The following LATS2 variants were observed in gnomAD, a reference collection of about 807,000 sequenced individuals.
LATS2 encodes the protein serine/threonine-protein kinase LATS2.
In LATS2, 24 loss-of-function variants were observed where a neutral mutation model predicts 76.0. The observed-to-expected ratio is 0.32, with a 90% CI of 0.23 to 0.44. LATS2 has a LOEUF of 0.44. LATS2 is among the 20% of genes least tolerant of loss of function. The pLI, the probability that LATS2 is intolerant of heterozygous loss-of-function variation, is 1.00. For missense variants in LATS2, 1,286 were observed against 1,481.2 expected, an observed-to-expected ratio of 0.87 and a Z score of 2.16; for synonymous variants, 692 against 635.4, an observed-to-expected ratio of 1.09 and a Z score of -1.34.
chr13:21,022,402 C>CTCAA (rs1455895356), intron 2 of LATS2, among the ~76,000 whole-genome samples: 1 of 152,124 alleles, frequency 6.6e-6, no homozygotes, highest in African/African-American at 2.4e-5. Flanking sequence ...CCTCAAGTTC[C>CTCAA]TCAAACACAA....
At chr13:21,032,839 C>T (rs149266675) in intron 2 of LATS2, among the ~76,000 whole-genome samples, 6 of 152,260 alleles carry the variant, frequency 3.9e-5, no homozygotes, top group East Asian at 1.9e-4. Flanking sequence ...GGGTGGACCA[C>T]GGCTGGCTGG....
chr13:21,006,363 C>A (rs1871268768), intron 2 of LATS2, among the ~76,000 whole-genome samples: 1 of 152,142 alleles, frequency 6.6e-6, no homozygotes, highest in Non-Finnish European at 1.5e-5. Flanking sequence ...CCAGCGCCCA[C>A]TGTGTACATC....
At chr13:20,993,995 G>C (rs1870629831) in intron 2 of LATS2, among the ~76,000 whole-genome samples, 1 of 152,240 alleles carries the variant, frequency 6.6e-6, no homozygotes, top group Non-Finnish European at 1.5e-5. Flanking sequence ...TGAATCACCA[G>C]CCTGTGCTCA....
At chr13:20,980,982 C>T (rs1323766434) in intron 6 of LATS2, among the ~76,000 whole-genome samples, 2 of 152,174 alleles carry the variant, frequency 1.3e-5, no homozygotes, top group African/African-American at 4.8e-5. Flanking sequence ...ACACAACTGG[C>T]ACCTGCCACT....
chr13:21,045,293 C>A (rs1169446649), intron 2 of LATS2, among the ~76,000 whole-genome samples: 1 of 151,820 alleles, frequency 6.6e-6, no homozygotes, highest in Non-Finnish European at 1.5e-5. Context: ...AAAAAATGCA[C>A]AAACCAAAAC....
chr13:21,044,692 GTGTGTGTGT>G (rs1565964496), intron 2 of LATS2, among the ~76,000 whole-genome samples: 34 of 4,418 alleles, frequency 7.7e-3, no homozygotes, highest in East Asian at 0.071. Context: ...GTGTAGGGGT[GTGTGTGTGT>G]GTGTGTGTGT....
At chr13:21,022,027 G>T (rs558708168) in intron 2 of LATS2, among the ~76,000 whole-genome samples, 6 of 152,244 alleles carry the variant, frequency 3.9e-5, no homozygotes, top group African/African-American at 1.4e-4. Context: ...AGTGGGCCCT[G>T]GGTGAAATAG....
In LATS2 at chr13:20,974,844, G is replaced by A. The variant is rs766149898; in HGVS notation, c.*26C>T. The A allele has an allele frequency of 3.8e-6, 6 of 1,579,028 alleles. No homozygotes were observed. The African/African-American group carries it at 4.1e-5, about 11-fold the overall frequency. On this transcript the variant is annotated 3_prime_UTR_variant, in exon 8 of 8. Coordinates refer to ENST00000382592, the MANE Select transcript of LATS2 (RefSeq NM_014572.3). ...CCGGGACCCTGACCTGGGAGGCAGC[G>A]AGTGGTGGGGGTGCCTGGCCCCCAT...
In LATS2 at chr13:20,983,713, T is replaced by C; in HGVS notation, c.1993A>G (p.Lys665Glu). ...YNRLKRAKMDKSMFVKIKTLG... is the reference protein window; with the variant it reads ...YNRLKRAKMDESMFVKIKTLG... ...GTTTTGATCTTGACAAACATAGACT[T>C]GTCCATCTTGGCCCTCTTTAACCTG... Residue 665 changes from lysine to glutamate, a missense_variant, in exon 5 of 8, where the codon AAG becomes GAG. Transcript: ENST00000382592. 1 of 1,614,172 alleles carries C rather than the reference T, an allele frequency of 6.2e-7. No homozygotes were observed. Among genetic ancestry groups the C allele is most frequent in the Non-Finnish European group, 8.5e-7 (1 of 1,180,028 alleles).
Position 20,979,693 on chromosome 13 carries a change from T to C in LATS2, c.2770A>G (p.Lys924Glu). Residue 924 changes from lysine to glutamate, a missense_variant and splice_region_variant, in exon 7 of 8, where the codon AAG becomes GAG. This residue lies in a region of LATS2 where 210 missense variants were observed against 234.9 expected (regional missense o/e 0.89). Coordinates refer to ENST00000382592, the MANE Select transcript of LATS2 (RefSeq NM_014572.3). ...LAPTPTETQL[K>E]VINWENTLHI... ...ATGCGTGGTTCCTCTCACATTACCT[T>C]CAGCTGGGTTTCTGTGGGAGTAGGT... is the stretch of plus-strand genomic sequence containing the variant. 1 of 1,590,054 alleles carries C rather than the reference T, an allele frequency of 6.3e-7. No individual in the cohort carries two copies. Among genetic ancestry groups the C allele is most frequent in the Non-Finnish European group, 8.6e-7 (1 of 1,158,534 alleles).
chr13:21,002,374 CTT>C lies in LATS2; in HGVS notation c.343-10972_343-10971del, dbSNP rs549992152. ...AAAAATTAACTAACTAATTAATTAA[CTT>C]TTTTTTTTTTTTTTTGAGACAGGGT... is the stretch of plus-strand genomic sequence containing the variant. On this transcript the variant is annotated intron_variant, in intron 2 of 7. Transcript: ENST00000382592. Among the ~76,000 whole-genome samples, 188 of 137,160 alleles carry C rather than the reference CTT, an allele frequency of 1.4e-3. 1 individual carries two copies. The highest frequency in any genetic ancestry group is 3.0e-3 in the African/African-American group (108 of 36,108). The allele number at this position is 137,160 out of a possible 152,430, so 90.0% of individuals were successfully genotyped here.
chr13:21,045,667 G>A lies in LATS2; in HGVS notation c.342+18C>T. On this transcript the variant is annotated intron_variant, in intron 2 of 7. Coordinates refer to ENST00000382592, the MANE Select transcript of LATS2 (RefSeq NM_014572.3). ...CATAGCTGCCTCTGCACATGGCCCT[G>A]CAGAGGTCTGTACCCACCTGGTCGC... is the stretch of plus-strand genomic sequence containing the variant. 1.3e-6 allele frequency: 2 copies of A among 1,598,962 alleles called. No homozygotes were observed. The highest frequency in any genetic ancestry group is 2.2e-5 in the South Asian group (2 of 89,104).
Position 21,021,978 on chromosome 13 carries a change from G to A in LATS2, c.342+23707C>T, listed in dbSNP as rs995233939. On this transcript the variant is annotated intron_variant, in intron 2 of 7. Coordinates refer to ENST00000382592, the MANE Select transcript of LATS2 (RefSeq NM_014572.3). ...ATCTGTTTCCACACTTTCTTCGTTA[G>A]AGGAGCTGATTTTTTTTTTGTGACT... Among the ~76,000 whole-genome samples, 8 of 152,188 alleles carry A rather than the reference G, an allele frequency of 5.3e-5. 1 individual carries two copies. Among genetic ancestry groups the A allele is most frequent in the Admixed American group, 3.9e-4 (6 of 15,278 alleles).
chr13:20,975,786 C>G (rs1438325059), intron 7 of LATS2, among the ~76,000 whole-genome samples: 2 of 152,064 alleles, frequency 1.3e-5, no homozygotes, highest in East Asian at 3.9e-4. Context: ...TGGGTTCAAG[C>G]GATTCTCCTG....
rs141995731 is a variant in LATS2 at position 20,984,184 on chromosome 13, T to C, written c.1900-378A>G. Among the ~76,000 whole-genome samples the C allele has an allele frequency of 9.9e-3, 1,504 of 152,350 alleles. 30 individuals are homozygous for C. Among genetic ancestry groups the C allele is most frequent in the African/African-American group, 0.035 (1,442 of 41,582 alleles). ...CCTGACCTCAGGTGATCTGCCCACCTTGGCCTCCCAAAGTGCAGGGATTAC... is the reference window on the plus strand; with the variant it reads ...CCTGACCTCAGGTGATCTGCCCACCCTGGCCTCCCAAAGTGCAGGGATTAC... On this transcript the variant is annotated intron_variant, in intron 4 of 7. Transcript: ENST00000382592.
intron 2 of LATS2, among the ~76,000 whole-genome samples, chr13:21,009,080 G>A (rs1871471154): frequency 6.6e-6 from 1 of 152,174 alleles, no homozygotes; most frequent in South Asian, 2.1e-4. Flanking sequence ...CCCTTGTCCT[G>A]CCAGCGATTT....
At chr13:21,027,066 T>C (rs1403123402) in intron 2 of LATS2, among the ~76,000 whole-genome samples, 1 of 152,226 alleles carries the variant, frequency 6.6e-6, no homozygotes, top group Non-Finnish European at 1.5e-5. Flanking sequence ...TTTTAAAGGT[T>C]TGCCTTTTTA....
intron 2 of LATS2, among the ~76,000 whole-genome samples, chr13:21,019,345 A>C (rs1168192993): frequency 6.8e-6 from 1 of 147,496 alleles, no homozygotes; most frequent in East Asian, 2.0e-4. Context: ...TTATTATTTG[A>C]GACAGAGTTT....
rs368544702 is a variant in LATS2, at chr13:20,998,608, C to T, written c.343-7204G>A. ...AAAGGGTGTTCCAACCCCACCCCCA[C>T]GGAAAGGCCCCTGGAAGAATGAGGC... is the stretch of plus-strand genomic sequence containing the variant. On this transcript the variant is annotated intron_variant, in intron 2 of 7. Transcript: ENST00000382592. Among the ~76,000 whole-genome samples, 9 of 152,228 alleles carry T rather than the reference C, an allele frequency of 5.9e-5. No individual in the cohort carries two copies. In the East Asian group the frequency reaches 7.7e-4, roughly 13 times the overall value.
Sources: allele counts gnomAD v4.1 joint callset (sites outside exome capture counted in the v4.1 genomes callset), GRCh38; gene constraint gnomAD v4.1.1; regional missense constraint gnomAD v4.1.1; transcripts MANE v1.5; gene names NCBI Gene and HGNC (gene_info 2026-07-23, HGNC 2026-07-21).